The following CPA6 variants were observed in gnomAD, a reference collection of about 807,000 sequenced individuals.
The protein encoded by CPA6 is carboxypeptidase A6.
Under a neutral mutation model 63.3 loss-of-function variants are expected in CPA6, and 58 were observed. The ratio of observed to expected loss-of-function variants is 0.92; its 90% CI spans 0.74 to 1.14. The LOEUF is 1.14. CPA6 is among the 50% of genes most tolerant of loss of function. The probability of loss-of-function intolerance (pLI) is 0.00; values close to 1 mark genes in which losing one functional copy is unlikely to be tolerated. For missense variants in CPA6, 565 were observed against 526.6 expected (o/e 1.07, Z -0.71); for synonymous variants, 185 against 179.0 (o/e 1.03, Z -0.27).
At chr8:67,446,276 A>G (rs1344192401) in intron 8 of CPA6, among the ~76,000 whole-genome samples, 2 of 152,020 alleles carry the variant, frequency 1.3e-5, no homozygotes, top group East Asian at 1.9e-4. Context: ...AAAAAAAAAA[A>G]AAAGTAGTCA....
intron 8 of CPA6, among the ~76,000 whole-genome samples, chr8:67,459,485 G>A (rs1476843771): frequency 1.3e-5 from 2 of 152,200 alleles, no homozygotes; most frequent in Non-Finnish European, 2.9e-5. Flanking sequence ...AAATGTAAAC[G>A]TGTGTTACTA....
At chr8:67,601,000 C>T (rs1280024360) in intron 2 of CPA6, among the ~76,000 whole-genome samples, 2 of 152,130 alleles carry the variant, frequency 1.3e-5, no homozygotes, top group Non-Finnish European at 2.9e-5. Context: ...TGTGTACATG[C>T]ATGTATATAA....
intron 8 of CPA6, among the ~76,000 whole-genome samples, chr8:67,447,023 C>T (rs556637603): frequency 5.8e-4 from 71 of 122,570 alleles, no homozygotes; most frequent in African/African-American, 2.7e-3. Flanking sequence ...TACACACACA[C>T]ATATATATAC....
chr8:67,723,449 G>A (rs901104734), intron 1 of CPA6, among the ~76,000 whole-genome samples: 2 of 152,140 alleles, frequency 1.3e-5, no homozygotes, highest in Non-Finnish European at 2.9e-5. Flanking sequence ...TTACAGGCGT[G>A]AGCCACCGTG....
At chr8:67,733,927 C>T (rs999534617) in intron 1 of CPA6, among the ~76,000 whole-genome samples, 10 of 140,368 alleles carry the variant, frequency 7.1e-5, no homozygotes, top group South Asian at 2.3e-4. Flanking sequence ...CAGGCTGGAG[C>T]GCAGTGGTGC....
Position 67,746,051 on chromosome 8 carries a change from G to C in CPA6, c.79C>G (p.Pro27Ala), listed in dbSNP as rs779759787. ...LCWLFLKILQ[P>A]GHSHLYNNRY... ...TTGTTATAAAGGTGGCTGTGCCCCG[G>C]TTGCAGAATCTTCAAAAAGAGCCAG... is the stretch of plus-strand genomic sequence containing the variant. The change falls in exon 1 of 11, where the codon CCG (proline) becomes GCG (alanine). Residue 27 changes from proline (P) to alanine (A), a missense_variant. Pro to Ala is a conservative substitution (Grantham distance 27). Coordinates refer to ENST00000297770, the MANE Select transcript of CPA6 (RefSeq NM_020361.5). The C allele has an allele frequency of 6.2e-7, 1 of 1,613,784 alleles. No individual in the cohort carries two copies. The highest frequency in any genetic ancestry group is 8.5e-7 in the Non-Finnish European group (1 of 1,179,754).
At chr8:67,427,781 C>T (rs147401806) in intron 10 of CPA6, among the ~76,000 whole-genome samples, 1 of 152,296 alleles carries the variant, frequency 6.6e-6, no homozygotes, top group African/African-American at 2.4e-5. Context: ...GTATGTTCTA[C>T]TCTCATAAGC....
intron 6 of CPA6, among the ~76,000 whole-genome samples, chr8:67,491,613 A>T (rs1811608132): frequency 6.6e-6 from 1 of 152,136 alleles, no homozygotes; most frequent in Admixed American, 6.6e-5. Flanking sequence ...TCACACAGAG[A>T]TAGCCTAACA....
intron 2 of CPA6, among the ~76,000 whole-genome samples, chr8:67,541,140 G>A (rs1309527378): frequency 6.6e-6 from 1 of 152,028 alleles, no homozygotes; most frequent in Non-Finnish European, 1.5e-5. Context: ...TGGCCACCCA[G>A]TTTTGTGCTT....
At chr8:67,737,451 T>C (rs200166549) in intron 1 of CPA6, among the ~76,000 whole-genome samples, 32 of 152,076 alleles carry the variant, frequency 2.1e-4, no homozygotes, top group Admixed American at 4.6e-4. Context: ...TGTGTTTTTT[T>C]TCCCCCCTTT....
intron 1 of CPA6, among the ~76,000 whole-genome samples, chr8:67,686,043 T>C (rs1351529001): frequency 1.3e-5 from 2 of 152,242 alleles, no homozygotes; most frequent in Non-Finnish European, 2.9e-5. Context: ...TCTGCCATCA[T>C]AGATAGGGCC....
At chr8:67,680,860 C>G (rs1563390443) in intron 1 of CPA6, among the ~76,000 whole-genome samples, 1 of 152,190 alleles carries the variant, frequency 6.6e-6, no homozygotes, top group Non-Finnish European at 1.5e-5. Context: ...TTGCATTACT[C>G]TAATGACTAA....
intron 2 of CPA6, among the ~76,000 whole-genome samples, chr8:67,541,922 G>A (rs1010118347): frequency 4.6e-5 from 7 of 152,220 alleles, no homozygotes; most frequent in East Asian, 1.9e-4. Flanking sequence ...TGGGAGCTGC[G>A]GACGAGAGCT....
chr8:67,544,403 T>C (rs1243340882), intron 2 of CPA6, among the ~76,000 whole-genome samples: 1 of 152,120 alleles, frequency 6.6e-6, no homozygotes. Flanking sequence ...CTTTTTTCTG[T>C]TGTGTGCAGC....
intron 1 of CPA6, among the ~76,000 whole-genome samples, chr8:67,703,810 CT>C (rs1178647060): frequency 6.6e-6 from 1 of 152,206 alleles, no homozygotes; most frequent in East Asian, 1.9e-4. Context: ...TTTCCATACA[CT>C]TTTATTTTCA....
chr8:67,679,829 G>C (rs1443689507), intron 1 of CPA6, among the ~76,000 whole-genome samples: 1 of 152,194 alleles, frequency 6.6e-6, no homozygotes, highest in African/African-American at 2.4e-5. Flanking sequence ...TAGATTCAAG[G>C]ATGTTAGGAC....
intron 8 of CPA6, among the ~76,000 whole-genome samples, chr8:67,472,392 T>TC (rs1563965902): frequency 7.6e-6 from 1 of 132,436 alleles, no homozygotes; most frequent in African/African-American, 3.3e-5. Context: ...TTTATTTTAT[T>TC]TTATTTTATT....
intron 1 of CPA6, among the ~76,000 whole-genome samples, chr8:67,631,637 A>C (rs753347338): frequency 4.6e-5 from 7 of 152,244 alleles, no homozygotes; most frequent in Admixed American, 6.5e-5. Context: ...GCAGGCTGTG[A>C]GCCAGCAGCG....
chr8:67,668,060 A>T (rs1001547869), intron 1 of CPA6, among the ~76,000 whole-genome samples: 24 of 152,364 alleles, frequency 1.6e-4, no homozygotes, highest in Non-Finnish European at 2.4e-4. Context: ...ATATTCACTT[A>T]TTACTAAAAG....
Sources: gnomAD v4.1 joint callset for allele counts (sites outside exome capture counted in the v4.1 genomes callset) on GRCh38, gnomAD v4.1.1 for gene constraint, MANE v1.5 for transcripts, NCBI Gene and HGNC (gene_info 2026-07-23, HGNC 2026-07-21) for gene names.